Variants in TUSC7 observed in about 807,000 individuals in gnomAD.
TUSC7 encodes the protein tumor suppressor candidate 7.
intron 1 of TUSC7, chr3:116,714,299 T>C (rs1250281935): frequency 1.3e-5 from 2 of 152,224 alleles, no homozygotes; most frequent in African/African-American, 4.8e-5. Flanking sequence ...ATGTGTATTC[T>C]TAATCTAGAA....
At chr3:116,715,452 A>G (rs2051497716) in intron 1 of TUSC7, among the ~76,000 whole-genome samples, 1 of 152,204 alleles carries the variant, frequency 6.6e-6, no homozygotes, top group Non-Finnish European at 1.5e-5. Flanking sequence ...ACAGTAAATA[A>G]AAGTTCCTAT....
At chr3:116,715,890 T>C (rs2051500869) in intron 1 of TUSC7, among the ~76,000 whole-genome samples, 1 of 152,214 alleles carries the variant, frequency 6.6e-6, no homozygotes, top group South Asian at 2.1e-4. Context: ...TATGTATTTA[T>C]AGTTTTATTT....
chr3:116,716,060 G>A (rs1440015690), intron 1 of TUSC7: 1 of 152,190 alleles, frequency 6.6e-6, no homozygotes, highest in South Asian at 2.1e-4. Context: ...AATGGCAAAG[G>A]CCTTAAATGT....
At chr3:116,715,431 CA>C (rs2051497654) in intron 1 of TUSC7, among the ~76,000 whole-genome samples, 1 of 152,182 alleles carries the variant, frequency 6.6e-6, no homozygotes, top group Admixed American at 6.5e-5. Flanking sequence ...TATCATTTAG[CA>C]TTCCCACTAA....
intron 1 of TUSC7, chr3:116,712,868 G>A (rs889769894): frequency 1.3e-5 from 2 of 152,096 alleles, no homozygotes; most frequent in African/African-American, 4.8e-5. Context: ...GTAAGTGAGA[G>A]AATAAATAGT....
At chr3:116,714,566 G>A (rs1302644375) in intron 1 of TUSC7, among the ~76,000 whole-genome samples, 1 of 152,154 alleles carries the variant, frequency 6.6e-6, no homozygotes, top group African/African-American at 2.4e-5. Flanking sequence ...AGATGATGTT[G>A]ATGAAGCTGA....
At chr3:116,714,694 T>A (rs1221942866) in intron 1 of TUSC7, among the ~76,000 whole-genome samples, 1 of 152,158 alleles carries the variant, frequency 6.6e-6, no homozygotes, top group African/African-American at 2.4e-5. Context: ...AGATTTAATT[T>A]TTAGGTTCAC....
intron 1 of TUSC7, among the ~76,000 whole-genome samples, chr3:116,715,859 A>AT (rs1484082926): frequency 2.0e-5 from 3 of 152,220 alleles, no homozygotes; most frequent in Admixed American, 2.0e-4. Flanking sequence ...AACAAAATGC[A>AT]TTTAGGTAAT....
At chr3:116,713,294 T>C (rs1440990630) in intron 1 of TUSC7, among the ~76,000 whole-genome samples, 2 of 152,216 alleles carry the variant, frequency 1.3e-5, no homozygotes, top group Non-Finnish European at 2.9e-5. Context: ...TTAAGCACTT[T>C]TTCTTGGGTG....
chr3:116,711,496 T>C (rs1461715881), intron 1 of TUSC7, among the ~76,000 whole-genome samples: 1 of 152,162 alleles, frequency 6.6e-6, no homozygotes, highest in Admixed American at 6.6e-5. Flanking sequence ...ACTTCAAGTG[T>C]TATTTCATTT....
chr3:116,714,299 T>G (rs1250281935), intron 1 of TUSC7: 1 of 152,224 alleles, frequency 6.6e-6, no homozygotes, highest in South Asian at 2.1e-4. Flanking sequence ...ATGTGTATTC[T>G]TAATCTAGAA....
intron 1 of TUSC7, among the ~76,000 whole-genome samples, chr3:116,715,795 T>C (rs1427591191): frequency 6.6e-6 from 1 of 152,206 alleles, no homozygotes; most frequent in Non-Finnish European, 1.5e-5. Flanking sequence ...TTGATCCAGA[T>C]ACTTTCCAGG....
intron 1 of TUSC7, chr3:116,710,294 G>T (rs1275964171): frequency 1.3e-5 from 2 of 152,120 alleles, no homozygotes; most frequent in African/African-American, 4.8e-5. Flanking sequence ...AAAGGGGTCT[G>T]CCACACATAA....
At chr3:116,712,412 AG>A (rs1174019693) in intron 1 of TUSC7, 2 of 152,174 alleles carry the variant, frequency 1.3e-5, no homozygotes, top group Non-Finnish European at 2.9e-5. Context: ...CTGGCTGAGA[AG>A]TGATGGACAC....
chr3:116,715,843 G>A (rs1213385035), intron 1 of TUSC7, among the ~76,000 whole-genome samples: 1 of 152,002 alleles, frequency 6.6e-6, no homozygotes, highest in African/African-American at 2.4e-5. Flanking sequence ...CATTTCATAT[G>A]GCATTAACAA....
intron 1 of TUSC7, among the ~76,000 whole-genome samples, chr3:116,711,646 C>T (rs1156833079): frequency 6.6e-6 from 1 of 152,112 alleles, no homozygotes; most frequent in Non-Finnish European, 1.5e-5. Context: ...AAGATAGCTG[C>T]CATTACTAAT....
At chr3:116,714,976 G>C (rs1019135755) in intron 1 of TUSC7, among the ~76,000 whole-genome samples, 2 of 152,124 alleles carry the variant, frequency 1.3e-5, no homozygotes, top group Non-Finnish European at 2.9e-5. Flanking sequence ...TAAATCCTCT[G>C]TGTTCTGCAT....
intron 1 of TUSC7, chr3:116,712,686 A>G (rs1025796122): frequency 6.6e-6 from 1 of 152,186 alleles, no homozygotes; most frequent in Non-Finnish European, 1.5e-5. Flanking sequence ...CTGGGGAATA[A>G]GCAGAGTAAG....
chr3:116,714,671 A>G (rs972880671), intron 1 of TUSC7, among the ~76,000 whole-genome samples: 1 of 152,154 alleles, frequency 6.6e-6, no homozygotes, highest in East Asian at 1.9e-4. Flanking sequence ...CTAGCCACAT[A>G]TCATTTTTTA....
Sources: allele counts gnomAD v4.1 joint callset (sites outside exome capture counted in the v4.1 genomes callset), GRCh38; gene constraint gnomAD v4.1.1; transcripts MANE v1.5; gene names NCBI Gene and HGNC (gene_info 2026-07-23, HGNC 2026-07-21).